Variants in FHIT observed in about 807,000 individuals in gnomAD.
The protein encoded by FHIT is bis(5'-adenosyl)-triphosphatase.
Under a neutral mutation model 17.9 loss-of-function variants are expected in FHIT, and 19 were observed. The ratio of observed to expected loss-of-function variants is 1.06; its 90% CI spans 0.74 to 1.56. The LOEUF is 1.56. FHIT is among the 40% of genes most tolerant of loss of function. FHIT has a pLI of 0.00. For missense variants in FHIT, 248 were observed against 189.2 expected, an observed-to-expected ratio of 1.31 and a Z score of -1.82; for synonymous variants, 81 against 69.7, an observed-to-expected ratio of 1.16 and a Z score of -0.81.
At chr3:61,128,153 A>G (rs144400798) in intron 2 of FHIT, among the ~76,000 whole-genome samples, 6 of 152,324 alleles carry the variant, frequency 3.9e-5, no homozygotes, top group Middle Eastern at 3.4e-3. Context: ...GTGCAAGGAC[A>G]ACATAAACAA....
intron 7 of FHIT, among the ~76,000 whole-genome samples, chr3:59,987,741 G>A (rs1709049054): frequency 6.6e-6 from 1 of 151,840 alleles, no homozygotes; most frequent in Non-Finnish European, 1.5e-5. Flanking sequence ...AGAAGAGTTT[G>A]GGGCTATTAG....
At chr3:60,538,719 G>T (rs2036076349) in intron 4 of FHIT, among the ~76,000 whole-genome samples, 1 of 152,182 alleles carries the variant, frequency 6.6e-6, no homozygotes, top group South Asian at 2.1e-4. Flanking sequence ...AAATGGTACT[G>T]GGAAAACTGG....
intron 7 of FHIT, among the ~76,000 whole-genome samples, chr3:59,939,507 A>G (rs1177372080): frequency 6.6e-6 from 1 of 152,146 alleles, no homozygotes; most frequent in Non-Finnish European, 1.5e-5. Flanking sequence ...GCGGCGCAGG[A>G]GGTGAGGTGA....
intron 1 of FHIT, among the ~76,000 whole-genome samples, chr3:61,239,761 C>CTATATATATATATATA (rs1491311135): frequency 0.054 from 3,367 of 62,782 alleles, 185 homozygotes; most frequent in Middle Eastern, 0.083. Flanking sequence ...AAACAACTGG[C>CTATATATATATATATA]CATATATATA....
intron 8 of FHIT, among the ~76,000 whole-genome samples, chr3:59,912,802 C>T (rs1449570503): frequency 1.3e-5 from 2 of 152,078 alleles, no homozygotes; most frequent in Non-Finnish European, 2.9e-5. Context: ...TGCAACTGGC[C>T]TACAAGATAT....
chr3:60,016,822 T>A (rs1700362386), intron 5 of FHIT, among the ~76,000 whole-genome samples: 1 of 152,174 alleles, frequency 6.6e-6, no homozygotes, highest in Admixed American at 6.5e-5. Context: ...AAGGTTAGCT[T>A]CAAAGAAAGT....
At chr3:60,415,724 G>A (rs569838004) in intron 5 of FHIT, among the ~76,000 whole-genome samples, 12 of 75,930 alleles carry the variant, frequency 1.6e-4, no homozygotes, top group African/African-American at 2.6e-4. Flanking sequence ...GAAGACAAAC[G>A]CCTGAGTTAA....
chr3:60,179,808 C>T (rs541295738), intron 5 of FHIT, among the ~76,000 whole-genome samples: 7 of 152,222 alleles, frequency 4.6e-5, no homozygotes, highest in East Asian at 1.9e-4. Context: ...TCATTTCTTC[C>T]TGACATCTTG....
intron 7 of FHIT, 142 bp downstream of exon 7, chr3:60,011,229 T>G: frequency 1.4e-6 from 1 of 691,760 alleles, no homozygotes; most frequent in Non-Finnish European, 2.6e-6. Flanking sequence ...ATGTCAGGAT[T>G]TACGGCTCTA....
At chr3:60,796,092 G>A (rs529530880) in intron 4 of FHIT, among the ~76,000 whole-genome samples, 6 of 152,212 alleles carry the variant, frequency 3.9e-5, no homozygotes, top group Admixed American at 3.3e-4. Context: ...ATCAGATCAC[G>A]TAAGACTTAT....
chr3:60,824,271 A>T (rs1702037851), intron 3 of FHIT, among the ~76,000 whole-genome samples: 1 of 152,224 alleles, frequency 6.6e-6, no homozygotes, highest in Non-Finnish European at 1.5e-5. Context: ...CCTATGCGAA[A>T]TATTTTGAAA....
chr3:61,027,433 G>T (rs1054916981), intron 3 of FHIT, among the ~76,000 whole-genome samples: 2 of 152,136 alleles, frequency 1.3e-5, no homozygotes, highest in Non-Finnish European at 2.9e-5. Flanking sequence ...TGCACCTATT[G>T]TATTTGTAGA....
At chr3:61,141,484 T>G (rs1157275882) in intron 2 of FHIT, among the ~76,000 whole-genome samples, 2 of 152,166 alleles carry the variant, frequency 1.3e-5, no homozygotes, top group East Asian at 3.8e-4. Context: ...GATAAAGAAA[T>G]TCTGTAGCCC....
At chr3:60,108,660 C>T (rs540023169) in intron 5 of FHIT, among the ~76,000 whole-genome samples, 3 of 130,852 alleles carry the variant, frequency 2.3e-5, no homozygotes, top group Admixed American at 8.4e-5. Flanking sequence ...GTCCCAGTTA[C>T]TTCTCTTTTT....
rs141842234 is a variant in FHIT at position 60,493,492 on chromosome 3, A to T, written c.103+43368T>A. Among the ~76,000 whole-genome samples, 86 of 152,338 alleles carry T rather than the reference A, an allele frequency of 5.6e-4. No individual in the cohort carries two copies. The East Asian group carries it at 0.014, about 25-fold the overall frequency. On this transcript the variant is annotated intron_variant, in intron 5 of 9. Transcript: ENST00000492590. ...TCAAATCAAATTATCAACAAGCAAT[A>T]GTCCCACTATTGGGGAATATATAAG...
intron 8 of FHIT, among the ~76,000 whole-genome samples, chr3:59,804,079 G>A (rs1700104008): frequency 6.6e-6 from 1 of 152,200 alleles, no homozygotes; most frequent in Non-Finnish European, 1.5e-5. Flanking sequence ...CATTGATGTG[G>A]CTTGATCATG....
At chr3:59,983,678 T>A (rs925337465) in intron 7 of FHIT, among the ~76,000 whole-genome samples, 1 of 152,120 alleles carries the variant, frequency 6.6e-6, no homozygotes, top group African/African-American at 2.4e-5. Flanking sequence ...CTCTCCAGTG[T>A]TGGCTTCATT....
intron 7 of FHIT, among the ~76,000 whole-genome samples, chr3:59,947,806 A>T (rs1202628956): frequency 1.3e-5 from 2 of 152,232 alleles, no homozygotes; most frequent in African/African-American, 4.8e-5. Flanking sequence ...AGCAGGATCC[A>T]TGCTTACTAG....
chr3:60,982,374 T>G (rs952344210), intron 3 of FHIT, among the ~76,000 whole-genome samples: 1 of 152,250 alleles, frequency 6.6e-6, no homozygotes. Context: ...TTAGCTTCCC[T>G]GCACTTCAGT....
Sources: gnomAD v4.1 joint callset for allele counts (sites outside exome capture counted in the v4.1 genomes callset) on GRCh38, gnomAD v4.1.1 for gene constraint, MANE v1.5 for transcripts, NCBI Gene and HGNC (gene_info 2026-07-23, HGNC 2026-07-21) for gene names.